WBP1L: variants seen among roughly 807,000 people sequenced by gnomAD.
WBP1L encodes WW domain binding protein 1-like.
In WBP1L, 17 loss-of-function variants were observed where a neutral mutation model predicts 33.7. The observed-to-expected ratio is 0.50, with a 90% CI of 0.34 to 0.76. The LOEUF (loss-of-function observed/expected upper bound fraction) is 0.76, where lower values mean the gene tolerates loss of function less well. WBP1L is among the 30% of genes least tolerant of loss of function. The probability of loss-of-function intolerance (pLI) is 0.01; values close to 1 mark genes in which losing one functional copy is unlikely to be tolerated. For missense variants in WBP1L, 389 were observed against 469.4 expected (o/e 0.83, Z 1.58); for synonymous variants, 173 against 190.8 (o/e 0.91, Z 0.77).
intron 2 of WBP1L, among the ~76,000 whole-genome samples, chr10:102,803,418 TCCTA>T: frequency 6.6e-6 from 1 of 152,194 alleles, no homozygotes; most frequent in Admixed American, 6.5e-5. Flanking sequence ...ATGACTCAGT[TCCTA>T]CACTGGACTG....
chr10:102,761,560 G>C (rs1156325757), intron 1 of WBP1L, among the ~76,000 whole-genome samples: 1 of 151,196 alleles, frequency 6.6e-6, no homozygotes, highest in Non-Finnish European at 1.5e-5. Flanking sequence ...AGGTTCAAGT[G>C]AGTCTCCTGC....
intron 1 of WBP1L, among the ~76,000 whole-genome samples, chr10:102,762,518 T>G (rs1367040032): frequency 1.3e-5 from 2 of 152,250 alleles, no homozygotes; most frequent in African/African-American, 4.8e-5. Flanking sequence ...ATTCTCAGTC[T>G]TACTTGAACA....
chr10:102,806,074 G>A (rs1843729723), intron 2 of WBP1L, among the ~76,000 whole-genome samples: 1 of 151,586 alleles, frequency 6.6e-6, no homozygotes, highest in Non-Finnish European at 1.5e-5. Flanking sequence ...TTAGATGGGT[G>A]TAGTGGCACG....
chr10:102,764,051 T>A (rs1403532259), intron 1 of WBP1L, among the ~76,000 whole-genome samples: 1 of 151,592 alleles, frequency 6.6e-6, no homozygotes, highest in African/African-American at 2.4e-5. Context: ...TGACCTCAGG[T>A]GATCCGCCTG....
intron 2 of WBP1L, among the ~76,000 whole-genome samples, chr10:102,804,877 C>T (rs559782675): frequency 2.0e-5 from 3 of 152,268 alleles, no homozygotes; most frequent in African/African-American, 7.2e-5. Context: ...GAAGTTCAAG[C>T]CTACCCACAT....
intron 1 of WBP1L, among the ~76,000 whole-genome samples, chr10:102,778,003 GGAAA>G (rs1345813545): frequency 6.6e-6 from 1 of 152,206 alleles, no homozygotes; most frequent in African/African-American, 2.4e-5. Flanking sequence ...CTAACAGAGT[GGAAA>G]GAGTGGGCTG....
At chr10:102,790,610 A>T (rs2134053266) in intron 1 of WBP1L, among the ~76,000 whole-genome samples, 1 of 152,156 alleles carries the variant, frequency 6.6e-6, no homozygotes, top group East Asian at 1.9e-4. Context: ...TCCCGGGTTC[A>T]AGCAATTCTC....
chr10:102,759,556 T>C (rs1010198704), intron 1 of WBP1L, among the ~76,000 whole-genome samples: 1 of 152,226 alleles, frequency 6.6e-6, no homozygotes, highest in African/African-American at 2.4e-5. Flanking sequence ...TTTATAGATA[T>C]ACTCCATTTT....
intron 1 of WBP1L, among the ~76,000 whole-genome samples, chr10:102,784,820 C>T (rs2134048903): frequency 6.6e-6 from 1 of 152,048 alleles, no homozygotes; most frequent in East Asian, 1.9e-4. Context: ...TTCAGCCTCC[C>T]AAAGTGCTGG....
Position 102,778,052 on chromosome 10 carries a change from C to A in WBP1L, c.91-19941C>A, listed in dbSNP as rs187112770. Among the ~76,000 whole-genome samples the A allele has an allele frequency of 1.2e-4, 18 of 152,204 alleles. No individual in the cohort carries two copies. The East Asian group carries it at 2.9e-3, about 25-fold the overall frequency. ...AAGACCTGCGTTCATATCCCAGCTT[C>A]CCTGAGGTCTTGGGCAGGCCCTTAA... On this transcript the variant is annotated intron_variant, in intron 1 of 3. Transcript: ENST00000448841.
In WBP1L at chr10:102,797,131, A is replaced by G. The variant is rs182650625; in HGVS notation, c.91-862A>G. 2.0e-5 allele frequency among the ~76,000 whole-genome samples: 3 copies of G among 152,338 alleles called. No individual in the cohort carries two copies. The East Asian group carries it at 5.8e-4, about 29-fold the overall frequency. ...CAGTTCGGCCCTTTATTGAAAAGTA[A>G]AGAATTTCAGTTGTAGATTTTTTTT... is the stretch of plus-strand genomic sequence containing the variant. On this transcript the variant is annotated intron_variant, in intron 1 of 3. Coordinates refer to ENST00000448841, the MANE Select transcript of WBP1L (RefSeq NM_001083913.2).
chr10:102,794,932 C>T (rs866550066), intron 1 of WBP1L, among the ~76,000 whole-genome samples: 2 of 152,018 alleles, frequency 1.3e-5, no homozygotes, highest in Admixed American at 6.6e-5. Flanking sequence ...TCTTTCGTAC[C>T]GCTGCAGCAG....
chr10:102,774,379 G>A (rs958593196), intron 1 of WBP1L, among the ~76,000 whole-genome samples: 3 of 152,138 alleles, frequency 2.0e-5, no homozygotes, highest in African/African-American at 4.8e-5. Context: ...CCCAAACACC[G>A]GCAGCAGCAG....
chr10:102,768,337 G>A (rs1408082174), intron 1 of WBP1L, among the ~76,000 whole-genome samples: 5 of 149,872 alleles, frequency 3.3e-5, no homozygotes, highest in African/African-American at 1.2e-4. Context: ...GCTTCCTAAA[G>A]TGCTTGAGCC....
intron 2 of WBP1L, among the ~76,000 whole-genome samples, chr10:102,803,599 G>C (rs1843688318): frequency 1.7e-5 from 2 of 116,226 alleles, no homozygotes; most frequent in South Asian, 5.9e-4. Context: ...GTCTTTTGTT[G>C]GGTTTTCCTT....
chr10:102,772,465 C>T (rs936005715), intron 1 of WBP1L, among the ~76,000 whole-genome samples: 4 of 145,374 alleles, frequency 2.8e-5, no homozygotes, highest in African/African-American at 7.6e-5. Flanking sequence ...TTCCCCATGT[C>T]GGTCAGGCTG....
intron 1 of WBP1L, among the ~76,000 whole-genome samples, chr10:102,768,355 C>T (rs1843138700): frequency 2.8e-5 from 4 of 145,364 alleles, no homozygotes; most frequent in South Asian, 2.2e-4. Context: ...GCCATTGCGC[C>T]TGGCATTAGT....
rs1320744771 is a variant in WBP1L at position 102,808,834 on chromosome 10, C to T, written c.194-1059C>T. Among the ~76,000 whole-genome samples the T allele has an allele frequency of 3.9e-5, 6 of 152,176 alleles. No homozygotes were observed. In the South Asian group the frequency reaches 6.2e-4, roughly 16 times the overall value. ...CAGGGGGCCCCTCTGAGGCCCCTTGCAAGTGCTGATCTTCTGAGTTGCGGG... is the reference window on the plus strand; with the variant it reads ...CAGGGGGCCCCTCTGAGGCCCCTTGTAAGTGCTGATCTTCTGAGTTGCGGG... On this transcript the variant is annotated intron_variant, in intron 2 of 3. Transcript: ENST00000448841.
chr10:102,759,022 G>A (rs935967034), intron 1 of WBP1L, among the ~76,000 whole-genome samples: 2 of 152,214 alleles, frequency 1.3e-5, no homozygotes, highest in African/African-American at 4.8e-5. Context: ...GACAAGGAGC[G>A]TGACCACTGA....
Sources: gnomAD v4.1 joint callset for allele counts (sites outside exome capture counted in the v4.1 genomes callset) on GRCh38, gnomAD v4.1.1 for gene constraint, MANE v1.5 for transcripts, NCBI Gene and HGNC (gene_info 2026-07-23, HGNC 2026-07-21) for gene names.